Variants in BBOF1 observed in about 807,000 individuals in gnomAD.
BBOF1 encodes the protein basal body-orientation factor 1.
A neutral mutation model predicts 68.0 loss-of-function variants in BBOF1; 62 were observed. The observed-to-expected ratio is 0.91, with a 90% CI of 0.74 to 1.13. BBOF1 has a LOEUF of 1.13. Ranked by LOEUF, BBOF1 falls within the 50% of genes most tolerant of loss-of-function variation. BBOF1 has a pLI of 0.00. For synonymous variants in BBOF1, 208 were observed against 198.8 expected (o/e 1.05, Z -0.39); for missense variants, 534 against 600.1 (o/e 0.89, Z 1.15).
intron 9 of BBOF1, among the ~76,000 whole-genome samples, chr14:74,055,892 G>C (rs1400433477): frequency 6.6e-6 from 1 of 152,184 alleles, no homozygotes; most frequent in East Asian, 1.9e-4. Context: ...AGATGAGTTG[G>C]AATTAAAGGG....
chr14:74,020,243 A>ATTT (rs11287731), intron 1 of BBOF1, among the ~76,000 whole-genome samples: 2 of 150,494 alleles, frequency 1.3e-5, no homozygotes, highest in Non-Finnish European at 1.5e-5. Context: ...CTTTTATGGT[A>ATTT]TTTTTTTTTT....
At chr14:74,067,936 A>T (rs1322712851), downstream of BBOF1, among the ~76,000 whole-genome samples, 3 of 151,720 alleles carry the variant, frequency 2.0e-5, no homozygotes, top group Non-Finnish European at 4.4e-5. Context: ...AAAACAAACA[A>T]ACAAACAAAA....
At chr14:74,048,323 A>C in intron 7 of BBOF1, 1 of 305,214 alleles carries the variant, frequency 3.3e-6, no homozygotes. Flanking sequence ...ACTACCTTAG[A>C]ATATTCATTT....
At chr14:74,026,581 A>T (rs775178840) in intron 2 of BBOF1, among the ~76,000 whole-genome samples, 4 of 152,066 alleles carry the variant, frequency 2.6e-5, no homozygotes, top group Non-Finnish European at 5.9e-5. Context: ...AGGTTGGTGC[A>T]TTAAAAGAAT....
Position 74,078,385 on chromosome 14 carries a change from G to A in BBOF1, n.1536+33G>A, listed in dbSNP as rs960405807. The stretch of plus-strand genomic sequence containing the variant: ...CTTTTTTTTTTTGAGATAGGGTCTC[G>A]TCCTGTCTCCTAGGCTGGAATGCAG... On this transcript the variant is annotated intron_variant and non_coding_transcript_variant, in intron 10 of 12. Transcript: ENST00000492026. The A allele has an allele frequency of 1.6e-5, 6 of 378,794 alleles. 1 individual carries two copies. The Middle Eastern group carries it at 1.2e-3, about 73-fold the overall frequency. 23.5% of individuals were successfully genotyped at this position (378,794 alleles called of 1,614,324 possible).
intron 9 of BBOF1, chr14:74,072,747 T>A (rs1310727402): frequency 1.2e-5 from 12 of 980,656 alleles, no homozygotes; most frequent in Non-Finnish European, 1.7e-5. Context: ...TCTTTAGAAA[T>A]GTTACCACTA....
intron 9 of BBOF1, chr14:74,074,845 C>T: frequency 8.6e-7 from 1 of 1,158,432 alleles, no homozygotes; most frequent in Non-Finnish European, 1.3e-6. Context: ...GAGGAAAAAA[C>T]TAGAAAGTTT....
chr14:74,035,019 G>T (rs902521221), intron 4 of BBOF1, among the ~76,000 whole-genome samples: 14 of 152,142 alleles, frequency 9.2e-5, no homozygotes, highest in African/African-American at 2.9e-4. Flanking sequence ...TTGAGCCCAA[G>T]AGATTGAGGC....
At chr14:74,076,088 G>A (rs1234381924) in intron 9 of BBOF1, among the ~76,000 whole-genome samples, 3 of 152,174 alleles carry the variant, frequency 2.0e-5, no homozygotes, top group Non-Finnish European at 2.9e-5. Context: ...ACTTTTTGGG[G>A]TGATGGACAT....
At chr14:74,028,509 CACAAAT>C (rs1394479838) in intron 2 of BBOF1, among the ~76,000 whole-genome samples, 1 of 96,030 alleles carries the variant, frequency 1.0e-5, no homozygotes, top group Non-Finnish European at 2.2e-5. Context: ...CACACACACA[CACAAAT>C]AGAGGGAAAG....
chr14:74,057,554 A>G, intron 11 of BBOF1: 1 of 1,333,732 alleles, frequency 7.5e-7, no homozygotes, highest in South Asian at 1.4e-5. Context: ...GAGTAAACAT[A>G]GTGACCTTGT....
intron 4 of BBOF1, among the ~76,000 whole-genome samples, chr14:74,034,700 G>A (rs2059655234): frequency 6.6e-6 from 1 of 152,138 alleles, no homozygotes; most frequent in African/African-American, 2.4e-5. Context: ...ACAGGGGAGT[G>A]CCAGGAACAA....
At position 74,046,115 on chromosome 14, in the gene BBOF1, A is replaced by G. The variant is rs762866064; in HGVS notation, c.632A>G (p.His211Arg). Residue 211 changes from histidine (H) to arginine (R), a missense_variant, in exon 6 of 12, where the codon CAC (histidine) becomes CGC (arginine). Coordinates refer to ENST00000394009, the MANE Select transcript of BBOF1 (RefSeq NM_025057.3). ...ATAATAATGCTAGCAGAGAGAGCCC[A>G]CCATGAGGCTATTGTGTAAGAGACT... Reference protein sequence around the residue: ...KKIIMLAERAHHEAIVQLNDA... With the variant: ...KKIIMLAERARHEAIVQLNDA... 19 of 1,607,698 alleles carry G rather than the reference A, an allele frequency of 1.2e-5. 1 individual carries two copies. The South Asian group carries it at 1.6e-4, about 13-fold the overall frequency.
At chr14:74,068,733 C>T, downstream of BBOF1, 1 of 1,150,066 alleles carries the variant, frequency 8.7e-7, no homozygotes, top group Admixed American at 2.0e-5. Context: ...CAGAGAGACT[C>T]TGTCTCAAAA....
At chr14:74,054,923 G>C (rs915014863) in intron 8 of BBOF1, 1 of 153,250 alleles carries the variant, frequency 6.5e-6, no homozygotes, top group Non-Finnish European at 1.5e-5. Flanking sequence ...TGATCTGCCC[G>C]CCTTGGCCTC....
intron 11 of BBOF1, among the ~76,000 whole-genome samples, chr14:74,063,152 T>C (rs530863665): frequency 1.3e-5 from 2 of 152,236 alleles, no homozygotes; most frequent in Non-Finnish European, 1.5e-5. Context: ...TCGGGACATA[T>C]GCACCTGTTG....
chr14:74,035,723 A>G (rs567578766), intron 4 of BBOF1, among the ~76,000 whole-genome samples: 2 of 147,494 alleles, frequency 1.4e-5, no homozygotes, highest in South Asian at 4.4e-4. Context: ...GTGAGCCACC[A>G]TGCTCAGCCC....
chr14:74,055,816 A>G (rs542828961), intron 9 of BBOF1, 131 bp downstream of exon 9: 86 of 598,032 alleles, frequency 1.4e-4, no homozygotes, highest in Admixed American at 1.1e-3. Flanking sequence ...AAAAGGCCCT[A>G]CTGCTTAACT....
At chr14:74,031,993 A>G (rs1384599941) in intron 3 of BBOF1, 1 of 152,130 alleles carries the variant, frequency 6.6e-6, no homozygotes, top group Non-Finnish European at 1.5e-5. Flanking sequence ...AGAAAAATAT[A>G]TAATTTTTCT....
Sources: allele counts gnomAD v4.1 joint callset (sites outside exome capture counted in the v4.1 genomes callset), GRCh38; gene constraint gnomAD v4.1.1; transcripts MANE v1.5; gene names NCBI Gene and HGNC (gene_info 2026-07-23, HGNC 2026-07-21).